BEGAIN: variants seen among roughly 807,000 people sequenced by gnomAD.
BEGAIN encodes the protein brain enriched guanylate kinase associated.
In BEGAIN, 19 loss-of-function variants were observed where a neutral mutation model predicts 35.8. The observed-to-expected ratio is 0.53, with a 90% CI of 0.37 to 0.78. BEGAIN has a LOEUF of 0.78. Among genes scored for constraint, BEGAIN ranks in the 30% least tolerant of loss-of-function variants. The probability of loss-of-function intolerance (pLI) is 0.00; values close to 1 mark genes in which losing one functional copy is unlikely to be tolerated. For missense variants in BEGAIN, 795 were observed against 853.6 expected (o/e 0.93, Z 0.85); for synonymous variants, 462 against 388.6 (o/e 1.19, Z -2.22).
At chr14:100,542,098 G>T (rs959273645) in intron 5 of BEGAIN, among the ~76,000 whole-genome samples, 4 of 152,156 alleles carry the variant, frequency 2.6e-5, no homozygotes, top group African/African-American at 4.8e-5. Context: ...GCCTTGTCAC[G>T]TTAAGAAGCA....
Position 100,537,850 on chromosome 14 carries a change from G to C in BEGAIN, c.*119C>G, listed in dbSNP as rs1430654736. The C allele has an allele frequency of 2.6e-5, 37 of 1,396,854 alleles. 1 individual carries two copies. In the South Asian group the frequency reaches 3.7e-4, roughly 14 times the overall value. The allele number at this position is 1,396,854 out of a possible 1,614,324, so 86.5% of individuals were successfully genotyped here. A position where few individuals can be genotyped will look rare whatever the true frequency, so the allele number is the denominator to read the frequency against. ...AGGAGAGGAGGTGCGGGGAGGAACA[G>C]ACTCCTCGTTGTTGGCCGGGGCAGG... On this transcript the variant is annotated 3_prime_UTR_variant, in exon 7 of 7. Coordinates refer to ENST00000554140, the MANE Select transcript of BEGAIN (RefSeq NM_001385089.1).
intron 1 of BEGAIN, among the ~76,000 whole-genome samples, chr14:100,583,692 C>CTTTTTTTTT (rs56090356): frequency 0.33 from 35,361 of 106,870 alleles, 7,642 homozygotes; most frequent in Non-Finnish European, 0.47. Flanking sequence ...GTTTTTCTTC[C>CTTTTTTTTT]TTTTTTTTTT....
chr14:100,561,139 TCGA>T (rs2034214182), intron 2 of BEGAIN, among the ~76,000 whole-genome samples: 1 of 152,058 alleles, frequency 6.6e-6, no homozygotes, highest in Non-Finnish European at 1.5e-5. Flanking sequence ...GCCCCAACCA[TCGA>T]CGGCCCCTGG....
rs1377694767 is a variant in BEGAIN, at chr14:100,568,034, C to T, written c.43-95G>A. On this transcript the variant is annotated intron_variant, in intron 1 of 6. Coordinates refer to ENST00000554140, the MANE Select transcript of BEGAIN (RefSeq NM_001385089.1). The surrounding 1 kb of genome is among the most constrained non-coding windows in gnomAD (Gnocchi z 7.5). ...GGGCACAGCGGGCACGGCCGGGCAA[C>T]CCCGCGGGGCCCCGTCCGTGGGAAG... is the stretch of plus-strand genomic sequence containing the variant. The T allele has an allele frequency of 8.6e-7, 1 of 1,164,084 alleles. No homozygotes were observed. Among genetic ancestry groups the T allele is most frequent in the Non-Finnish European group, 1.1e-6 (1 of 940,884 alleles). 72.1% of individuals were successfully genotyped at this position (1,164,084 alleles called of 1,614,324 possible).
At chr14:100,544,146 G>A (rs2032037682) in intron 4 of BEGAIN, among the ~76,000 whole-genome samples, 181 bp from the exon 5 acceptor site, 1 of 152,254 alleles carries the variant, frequency 6.6e-6, no homozygotes, top group East Asian at 1.9e-4. Flanking sequence ...GTCCAACACT[G>A]CCAAGCCACA....
In BEGAIN at chr14:100,537,814, C is replaced by T; in HGVS notation, c.*155G>A. The T allele has an allele frequency of 8.3e-7, 1 of 1,204,932 alleles. No individual in the cohort carries two copies. The highest frequency in any genetic ancestry group is 1.6e-5 in the South Asian group (1 of 61,002). The allele number at this position is 1,204,932 out of a possible 1,614,324, so 74.6% of individuals were successfully genotyped here. A position where few individuals can be genotyped will look rare whatever the true frequency, so the allele number is the denominator to read the frequency against. On this transcript the variant is annotated 3_prime_UTR_variant, in exon 7 of 7. Coordinates refer to ENST00000554140, the MANE Select transcript of BEGAIN (RefSeq NM_001385089.1). ...GTGGGGGACCCTCCCCTCAGGCCTA[C>T]AGGGCTGGGGAGGAGAGGAGGTGCG...
Position 100,537,842 on chromosome 14 carries a change from G to C in BEGAIN, c.*127C>G, listed in dbSNP as rs1031044862. ...GGCTGGGGAGGAGAGGAGGTGCGGG[G>C]AGGAACAGACTCCTCGTTGTTGGCC... On this transcript the variant is annotated 3_prime_UTR_variant, in exon 7 of 7. Transcript: ENST00000554140. 1.5e-6 allele frequency: 2 copies of C among 1,364,628 alleles called. No individual in the cohort carries two copies. Among genetic ancestry groups the C allele is most frequent in the African/African-American group, 3.0e-5 (2 of 66,488 alleles). The allele number at this position is 1,364,628 out of a possible 1,614,324, so 84.5% of individuals were successfully genotyped here.
chr14:100,546,298 G>A (rs2032366235), intron 3 of BEGAIN: 1 of 351,054 alleles, frequency 2.8e-6, no homozygotes, highest in Non-Finnish European at 4.6e-6. Flanking sequence ...GGGTGAGAGG[G>A]GAGCACCGCG....
chr14:100,573,953 G>A lies in BEGAIN; in HGVS notation c.43-6014C>T, dbSNP rs1646143869. On this transcript the variant is annotated intron_variant, in intron 1 of 6. Transcript: ENST00000554140. The surrounding 1 kb of genome is among the most constrained non-coding windows in gnomAD (Gnocchi z 4.2). Reference sequence around the variant, plus strand: ...GGAGACTGGGAAAGGGTGGGTGGGAGGTGGGAGGAGAGTCTGCATTAAGGG... The same window carrying A: ...GGAGACTGGGAAAGGGTGGGTGGGAAGTGGGAGGAGAGTCTGCATTAAGGG... 6.6e-6 allele frequency among the ~76,000 whole-genome samples: 1 copy of A among 152,070 alleles called. No homozygotes were observed. The highest frequency in any genetic ancestry group is 2.4e-5 in the African/African-American group (1 of 41,398).
Position 100,546,588 on chromosome 14 carries a change from G to C in BEGAIN, c.146C>G (p.Thr49Ser). ...YTTHKLEKLE[T>S]EFDSTRHYLE... Reference sequence around the variant, plus strand: ...GTAGTGGCGCGTGGAGTCGAACTCGGTCTCGAGCTTCTCGAGCTTGTGTGT... The same window carrying C: ...GTAGTGGCGCGTGGAGTCGAACTCGCTCTCGAGCTTCTCGAGCTTGTGTGT... Residue 49 changes from threonine (T) to serine (S), a missense_variant, in exon 3 of 7, where the codon ACC becomes AGC. Around this residue, in one of 3 missense-constraint regions of BEGAIN, gnomAD observed 58 missense variants for 62.7 expected, o/e 0.92. Coordinates refer to ENST00000554140, the MANE Select transcript of BEGAIN (RefSeq NM_001385089.1). 1 of 1,593,138 alleles carries C rather than the reference G, an allele frequency of 6.3e-7. No homozygotes were observed. The highest frequency in any genetic ancestry group is 1.1e-5 in the South Asian group (1 of 88,964).
chr14:100,567,859 T>A lies in BEGAIN; in HGVS notation c.71+52A>T. The A allele has an allele frequency of 8.8e-6, 12 of 1,358,398 alleles. No homozygotes were observed. Among genetic ancestry groups the A allele is most frequent in the Non-Finnish European group, 1.2e-5 (12 of 1,020,532 alleles). The allele number at this position is 1,358,398 out of a possible 1,614,324, so 84.1% of individuals were successfully genotyped here. On this transcript the variant is annotated intron_variant, in intron 2 of 6. Coordinates refer to ENST00000554140, the MANE Select transcript of BEGAIN (RefSeq NM_001385089.1). The surrounding 1 kb of genome is among the most constrained non-coding windows in gnomAD (Gnocchi z 5.1). ...CCTTCCCCCGCCTTCCCCAGCGCCC[T>A]CACCCCCGACCCGGCCCCCGCGAGC...
intron 2 of BEGAIN, among the ~76,000 whole-genome samples, chr14:100,564,660 C>T (rs1325055442): frequency 6.6e-6 from 1 of 152,158 alleles, no homozygotes; most frequent in African/African-American, 2.4e-5. Context: ...GTGGCCAGGC[C>T]ATCAAATGGT....
chr14:100,538,528 C>T lies in BEGAIN; in HGVS notation c.1280G>A (p.Arg427Gln), dbSNP rs201975523. 189 of 1,517,136 alleles carry T rather than the reference C, an allele frequency of 1.2e-4. No individual in the cohort carries two copies. The East Asian group carries it at 3.1e-3, about 25-fold the overall frequency. The allele number at this position is 1,517,136 out of a possible 1,614,324, so 94.0% of individuals were successfully genotyped here. ...WSLRAKPGTA[R>Q]LPGEDMRGQW... is the part of the protein sequence containing the mutation. ...GCCCCTCATGTCCTCCCCGGGGAGC[C>T]GGGCGGTCCCCGGCTTGGCCCGCAG... The change falls in exon 7 of 7, where the codon CGG (arginine) becomes CAG (glutamine). Residue 427 changes from arginine (R) to glutamine (Q), a missense_variant. By Grantham distance (43) the Arg-to-Gln change is conservative. Coordinates refer to ENST00000554140, the MANE Select transcript of BEGAIN (RefSeq NM_001385089.1).
At chr14:100,544,521 C>T (rs72713990) in intron 4 of BEGAIN, among the ~76,000 whole-genome samples, 13 of 152,292 alleles carry the variant, frequency 8.5e-5, no homozygotes, top group South Asian at 4.1e-4. Context: ...TGCCCCTCTT[C>T]GACATGTCCC....
At chr14:100,564,152 C>A (rs548809018) in intron 2 of BEGAIN, among the ~76,000 whole-genome samples, 2 of 144,440 alleles carry the variant, frequency 1.4e-5, no homozygotes, top group African/African-American at 5.1e-5. Context: ...GGAAGGGTCT[C>A]GGGGGATCTC....
chr14:100,562,778 C>T (rs1346162532), intron 2 of BEGAIN, among the ~76,000 whole-genome samples: 1 of 152,198 alleles, frequency 6.6e-6, no homozygotes, highest in East Asian at 1.9e-4. Flanking sequence ...TGCTCCCCGC[C>T]CCCCACTCAC....
chr14:100,557,273 G>A (rs111806203), intron 2 of BEGAIN, among the ~76,000 whole-genome samples: 2,733 of 152,362 alleles, frequency 0.018, 82 homozygotes, highest in African/African-American at 0.057. Context: ...GCCCAGGACT[G>A]GAAGGAGGCA....
Position 100,546,584 on chromosome 14 carries a change from C to T in BEGAIN, c.150G>A (p.Glu50=). 6.3e-7 allele frequency: 1 copy of T among 1,593,088 alleles called. No individual in the cohort carries two copies. Among genetic ancestry groups the T allele is most frequent in the Non-Finnish European group, 8.5e-7 (1 of 1,172,700 alleles). The change falls in exon 3 of 7, where the codon GAG becomes GAA. Residue 50 remains glutamate (E), a synonymous_variant. Coordinates refer to ENST00000554140, the MANE Select transcript of BEGAIN (RefSeq NM_001385089.1). ...CCAGGTAGTGGCGCGTGGAGTCGAA[C>T]TCGGTCTCGAGCTTCTCGAGCTTGT... ...TTHKLEKLET[E]FDSTRHYLEI...
At position 100,568,312 on chromosome 14, in the gene BEGAIN, C is replaced by G. The variant is rs1035303723; in HGVS notation, c.43-373G>C. 2.6e-6 allele frequency: 2 copies of G among 758,032 alleles called. No individual in the cohort carries two copies. Among genetic ancestry groups the G allele is most frequent in the African/African-American group, 1.8e-5 (1 of 54,190 alleles). The allele number at this position is 758,032 out of a possible 1,614,324, so 47.0% of individuals were successfully genotyped here. A position where few individuals can be genotyped will look rare whatever the true frequency, so the allele number is the denominator to read the frequency against. On this transcript the variant is annotated intron_variant, in intron 1 of 6. Coordinates refer to ENST00000554140, the MANE Select transcript of BEGAIN (RefSeq NM_001385089.1). This position sits in a 1 kb window ranked among gnomAD's most constrained non-coding sequence, Gnocchi z 7.5. Reference sequence around the variant, plus strand: ...GGCGGCCGCGGCCCCGCTGCTCCCCCCGCCCCGCCCGTTAACCCTTCCTGC... The same window carrying G: ...GGCGGCCGCGGCCCCGCTGCTCCCCGCGCCCCGCCCGTTAACCCTTCCTGC...
Sources: allele counts gnomAD v4.1 joint callset (sites outside exome capture counted in the v4.1 genomes callset), GRCh38; gene constraint gnomAD v4.1.1; regional missense constraint gnomAD v4.1.1; non-coding constraint Gnocchi (gnomAD v3.1); transcripts MANE v1.5; gene names NCBI Gene and HGNC (gene_info 2026-07-23, HGNC 2026-07-21).